Variants in ANK2 observed in about 807,000 individuals in gnomAD.
The protein encoded by ANK2 is ankyrin 2.
A neutral mutation model predicts 360.5 loss-of-function variants in ANK2; 83 were observed. That is an observed-to-expected ratio of 0.23 (90% CI 0.19 to 0.28). The LOEUF (loss-of-function observed/expected upper bound fraction) is 0.28, where lower values mean the gene tolerates loss of function less well. ANK2 is among the 10% of genes least tolerant of loss of function. The pLI is 1.00. For missense variants in ANK2, 4,201 were observed against 4,795.7 expected (o/e 0.88, Z 3.66); for synonymous variants, 1,740 against 1,759.5 (o/e 0.99, Z 0.28).
chr4:113,170,498 T>C (rs1397888662), intron 1 of ANK2, among the ~76,000 whole-genome samples: 1 of 152,220 alleles, frequency 6.6e-6, no homozygotes, highest in Non-Finnish European at 1.5e-5. Context: ...CGAAGTTATA[T>C]GTTTATACTC....
the ANK2 span, among the ~76,000 whole-genome samples, chr4:112,804,793 A>G: frequency 1.3e-5 from 2 of 151,960 alleles, no homozygotes. Context: ...TGTCTCTACA[A>G]CAACAACAAA....
Position 113,373,386 on chromosome 4 carries a change from AG to A in ANK2, c.11800del (p.Asp3934MetfsTer7). On this transcript the variant is annotated frameshift_variant, in exon 45 of 46. Coordinates refer to ENST00000357077, the MANE Select transcript of ANK2 (RefSeq NM_001148.6). LOFTEE classifies it high-confidence loss of function. ...CACAGGAACCTGTCAACATCGAGGA[AG>A]GGGATGGCTATTCCAAAGTTATAAA... is the stretch of plus-strand genomic sequence containing the variant. Reference protein sequence around the residue: ...MPQEPVNIEEGDGYSKVIKRV... With the variant: ...MPQEPVNIEEXDGYSKVIKRV... 6 of 1,614,202 alleles carry A rather than the reference AG, an allele frequency of 3.7e-6. No homozygotes were observed. Among genetic ancestry groups the A allele is most frequent in the Non-Finnish European group, 5.1e-6 (6 of 1,180,016 alleles).
the ANK2 span, among the ~76,000 whole-genome samples, chr4:112,765,427 G>A: frequency 1.3e-5 from 2 of 151,996 alleles, no homozygotes; most frequent in Non-Finnish European, 2.9e-5. Context: ...CCTGCAGAAC[G>A]TCCCCTTTTG....
chr4:113,383,451 GT>G lies in ANK2; in HGVS notation c.*1982del, dbSNP rs1453643682. Reference sequence around the variant, plus strand: ...ACTGGAGCTCAAGAAAAGCATTTCTGTTGTGTTATTTGCAGTGCAGATGATG... The same window carrying G: ...ACTGGAGCTCAAGAAAAGCATTTCTGTGTGTTATTTGCAGTGCAGATGATG... On this transcript the variant is annotated 3_prime_UTR_variant, in exon 46 of 46. Transcript: ENST00000357077. 1 of 152,634 alleles carries G rather than the reference GT, an allele frequency of 6.6e-6. No individual in the cohort carries two copies. The highest frequency in any genetic ancestry group is 1.5e-5 in the Non-Finnish European group (1 of 68,030). 9.5% of individuals were successfully genotyped at this position (152,634 alleles called of 1,614,324 possible).
At position 113,151,011 on chromosome 4, in the gene ANK2, A is replaced by G; in HGVS notation, c.85-23405A>G. ...TACTTAGTAAATATTTGTGAAAAAA[A>G]TGAATGAATTAATGACTAGGAAATC... On this transcript the variant is annotated intron_variant, in intron 1 of 45. Coordinates refer to ENST00000357077, the MANE Select transcript of ANK2 (RefSeq NM_001148.6). 5 of 1,202,634 alleles carry G rather than the reference A, an allele frequency of 4.2e-6. No individual in the cohort carries two copies. In the South Asian group the frequency reaches 6.7e-5, roughly 16 times the overall value. 74.5% of individuals were successfully genotyped at this position (1,202,634 alleles called of 1,614,324 possible).
chr4:112,869,890 C>T (rs182344280), intron 1 of ANK2, among the ~76,000 whole-genome samples: 3 of 152,192 alleles, frequency 2.0e-5, no homozygotes, highest in East Asian at 3.9e-4. Flanking sequence ...AACATGTTTG[C>T]GAGCTCATCT....
At chr4:113,239,025 G>A (rs899584894) in intron 7 of ANK2, among the ~76,000 whole-genome samples, 10 of 152,104 alleles carry the variant, frequency 6.6e-5, no homozygotes, top group Non-Finnish European at 1.3e-4. Context: ...GTATGTCTGT[G>A]TGACAGGAAA....
At chr4:113,129,415 G>A (rs1300696930) in intron 1 of ANK2, among the ~76,000 whole-genome samples, 1 of 152,136 alleles carries the variant, frequency 6.6e-6, no homozygotes, top group Non-Finnish European at 1.5e-5. Context: ...AACTTGGAAT[G>A]ACTTTTGCTG....
At chr4:112,950,420 G>A (rs1269127027) in intron 2 of ANK2, among the ~76,000 whole-genome samples, 4 of 152,042 alleles carry the variant, frequency 2.6e-5, no homozygotes, top group South Asian at 2.1e-4. Context: ...TGAGGTGGGC[G>A]GATCATGAGG....
intron 2 of ANK2, among the ~76,000 whole-genome samples, chr4:112,975,848 G>T (rs902650862): frequency 1.1e-4 from 16 of 152,078 alleles, no homozygotes; most frequent in Admixed American, 2.0e-4. Context: ...CCTTTTAAGG[G>T]AATTTTTTAA....
At chr4:113,182,972 T>A (rs2098446923) in intron 2 of ANK2, among the ~76,000 whole-genome samples, 1 of 149,164 alleles carries the variant, frequency 6.7e-6, no homozygotes, top group Non-Finnish European at 1.5e-5. Context: ...GAGAGAGAGA[T>A]GGGAGAATTA....
chr4:112,942,891 G>A, intron 2 of ANK2, among the ~76,000 whole-genome samples: 1 of 151,792 alleles, frequency 6.6e-6, no homozygotes, highest in East Asian at 1.9e-4. Flanking sequence ...TTTTTAGAGG[G>A]AGGGGAGCTT....
chr4:112,930,267 A>G (rs1318855469), intron 2 of ANK2, among the ~76,000 whole-genome samples: 1 of 151,930 alleles, frequency 6.6e-6, no homozygotes, highest in Non-Finnish European at 1.5e-5. Context: ...CAACATGGTG[A>G]GACCCAGTCT....
chr4:113,294,460 T>G lies in ANK2; in HGVS notation c.2475+922T>G, dbSNP rs142110787. ...CCACAAATGAACAAATAAAGAATTCTGAAGGAGGTTCTAGTAAATGCTCCA... is the reference window on the plus strand; with the variant it reads ...CCACAAATGAACAAATAAAGAATTCGGAAGGAGGTTCTAGTAAATGCTCCA... On this transcript the variant is annotated intron_variant, in intron 22 of 45. Coordinates refer to ENST00000357077, the MANE Select transcript of ANK2 (RefSeq NM_001148.6). 1.2e-3 allele frequency among the ~76,000 whole-genome samples: 183 copies of G among 152,334 alleles called. No individual in the cohort carries two copies. The East Asian group carries it at 0.013, about 11-fold the overall frequency.
At chr4:112,989,168 A>G (rs2045922312) in intron 2 of ANK2, among the ~76,000 whole-genome samples, 1 of 152,210 alleles carries the variant, frequency 6.6e-6, no homozygotes, top group Admixed American at 6.5e-5. Flanking sequence ...AAACGAGAAA[A>G]CTGAGACACA....
intron 1 of ANK2, among the ~76,000 whole-genome samples, chr4:113,054,767 C>A (rs902276381): frequency 6.6e-6 from 1 of 152,078 alleles, no homozygotes. Flanking sequence ...GACCATCTGT[C>A]AGGGATGATG....
chr4:112,957,413 T>C (rs1477723407), intron 2 of ANK2, among the ~76,000 whole-genome samples: 1 of 152,208 alleles, frequency 6.6e-6, no homozygotes, highest in Non-Finnish European at 1.5e-5. Context: ...CATGTCTACT[T>C]CTTTCTACAC....
chr4:113,079,885 A>T (rs937533592), intron 1 of ANK2, among the ~76,000 whole-genome samples: 103 of 143,714 alleles, frequency 7.2e-4, no homozygotes, highest in African/African-American at 2.6e-3. Context: ...TGAACCTGTT[A>T]TCACCCTGAG....
the ANK2 span, among the ~76,000 whole-genome samples, chr4:112,811,652 C>T: frequency 6.6e-6 from 1 of 152,134 alleles, no homozygotes; most frequent in Non-Finnish European, 1.5e-5. Context: ...GCTGTTGGCA[C>T]CCATTGCTGA....
Sources: gnomAD v4.1 joint callset for allele counts (sites outside exome capture counted in the v4.1 genomes callset) on GRCh38, gnomAD v4.1.1 for gene constraint, MANE v1.5 for transcripts, NCBI Gene and HGNC (gene_info 2026-07-23, HGNC 2026-07-21) for gene names.